The following CELF2 variants were observed in gnomAD, a reference collection of about 807,000 sequenced individuals.
The protein encoded by CELF2 is CUGBP Elav-like family member 2.
In CELF2, 8 loss-of-function variants were observed where a neutral mutation model predicts 62.6. The observed-to-expected ratio is 0.13, with a 90% CI of 0.07 to 0.23. The LOEUF is 0.23. Ranked by LOEUF, CELF2 falls within the 10% of genes least tolerant of loss-of-function variation. The pLI is 1.00. For synonymous variants in CELF2, 258 were observed against 250.0 expected (o/e 1.03, Z -0.30); for missense variants, 333 against 671.0 (o/e 0.50, Z 5.56).
rs1288539481 is a variant in CELF2, at chr10:11,196,977, GAGAGAA to G, written c.272-20444_272-20439del. On this transcript the variant is annotated intron_variant, in intron 2 of 12. Coordinates refer to ENST00000633077, the MANE Select transcript of CELF2 (RefSeq NM_001326342.2). ...CTGTCTCAAAAGAAAAAGAAAGAAA[GAGAGAA>G]AGAAAGAAAGGAAGGAAGGAGAAAG... Among the ~76,000 whole-genome samples the G allele has an allele frequency of 1.1e-3, 73 of 67,600 alleles. 1 individual carries two copies. Among genetic ancestry groups the G allele is most frequent in the African/African-American group, 3.9e-3 (70 of 17,838 alleles). 44.3% of individuals were successfully genotyped at this position (67,600 alleles called of 152,430 possible). A position where few individuals can be genotyped will look rare whatever the true frequency, so the allele number is the denominator to read the frequency against.
chr10:10,684,114 G>A, the CELF2 span, among the ~76,000 whole-genome samples: 8 of 152,140 alleles, frequency 5.3e-5, no homozygotes, highest in East Asian at 1.9e-4. Flanking sequence ...TTCCTACCTC[G>A]GGATGAAGGG....
At chr10:10,762,895 G>T in the CELF2 span, among the ~76,000 whole-genome samples, 1 of 152,166 alleles carries the variant, frequency 6.6e-6, no homozygotes, top group South Asian at 2.1e-4. Flanking sequence ...TTTAAAACTT[G>T]CCCACTGCCC....
the CELF2 span, among the ~76,000 whole-genome samples, chr10:10,748,652 A>G: frequency 6.6e-6 from 1 of 150,768 alleles, no homozygotes; most frequent in Non-Finnish European, 1.5e-5. Context: ...GGAGGCTGAG[A>G]CAGGAGAATA....
At chr10:10,673,196 T>G in the CELF2 span, among the ~76,000 whole-genome samples, 1 of 152,152 alleles carries the variant, frequency 6.6e-6, no homozygotes, top group Admixed American at 6.5e-5. Flanking sequence ...TTTGTTAATT[T>G]TTCAGATTTT....
the CELF2 span, among the ~76,000 whole-genome samples, chr10:10,620,608 A>C: frequency 6.6e-6 from 1 of 152,026 alleles, no homozygotes; most frequent in Non-Finnish European, 1.5e-5. Flanking sequence ...CCTTGTTAGA[A>C]TGGCTCAGTA....
chr10:11,005,035 C>G, upstream of CELF2: 1 of 984,874 alleles, frequency 1.0e-6, no homozygotes, highest in Non-Finnish European at 1.2e-6. This position sits in a 1 kb window ranked among gnomAD's most constrained non-coding sequence, Gnocchi z 4.3. Context: ...TTTTTGTTCC[C>G]CCAATTTTTA....
At chr10:10,692,284 G>C in the CELF2 span, among the ~76,000 whole-genome samples, 2 of 151,404 alleles carry the variant, frequency 1.3e-5, no homozygotes, top group South Asian at 4.2e-4. Flanking sequence ...CCCATTGCTT[G>C]TTTTTCTCAG....
rs888903758 is a variant in CELF2 at position 11,296,105 on chromosome 10, G to A, written c.976+7553G>A. 7.2e-5 allele frequency among the ~76,000 whole-genome samples: 11 copies of A among 152,186 alleles called. No homozygotes were observed. The highest frequency in any genetic ancestry group is 1.5e-4 in the Non-Finnish European group (10 of 68,038). On this transcript the variant is annotated intron_variant, in intron 9 of 12. Transcript: ENST00000633077. The surrounding 1 kb of genome is among the most constrained non-coding windows in gnomAD (Gnocchi z 5.0). ...TCCACCTGTGCCCTGAGCTCTCCTTGGCGGGTGCCTTCATCCCCGGGATGG... is the reference window on the plus strand; with the variant it reads ...TCCACCTGTGCCCTGAGCTCTCCTTAGCGGGTGCCTTCATCCCCGGGATGG...
At chr10:11,286,814 A>G (rs1321209576) in intron 8 of CELF2, among the ~76,000 whole-genome samples, 3 of 152,196 alleles carry the variant, frequency 2.0e-5, no homozygotes, top group Non-Finnish European at 4.4e-5. Flanking sequence ...CCCACTTTCA[A>G]GCATCCCTGT....
the CELF2 span, among the ~76,000 whole-genome samples, chr10:10,576,408 C>A: frequency 1.3e-5 from 2 of 152,018 alleles, no homozygotes; most frequent in South Asian, 2.1e-4. Context: ...TTGATGAGCT[C>A]ATGAAAGAAG....
At chr10:11,125,352 G>A (rs887327167) in intron 1 of CELF2, among the ~76,000 whole-genome samples, 4 of 151,806 alleles carry the variant, frequency 2.6e-5, no homozygotes, top group Admixed American at 2.6e-4. Flanking sequence ...ATTTTTCAGT[G>A]TCCTTTGTTA....
At chr10:11,170,751 C>T (rs972373185) in intron 2 of CELF2, among the ~76,000 whole-genome samples, 25 of 152,022 alleles carry the variant, frequency 1.6e-4, no homozygotes, top group African/African-American at 5.8e-4. Context: ...TGTGTTCAAG[C>T]GAGACCATAC....
intron 1 of CELF2, among the ~76,000 whole-genome samples, chr10:10,907,749 G>A (rs564430299): frequency 8.5e-5 from 13 of 152,098 alleles, no homozygotes; most frequent in South Asian, 6.2e-4. Flanking sequence ...CAAAATTCCC[G>A]TTGCTACAGA....
rs373866144 is a variant in CELF2 at position 11,269,267 on chromosome 10, C to T, written c.619-1399C>T. 1.4e-4 allele frequency among the ~76,000 whole-genome samples: 21 copies of T among 152,220 alleles called. No homozygotes were observed. The East Asian group carries it at 3.9e-3, about 28-fold the overall frequency. On this transcript the variant is annotated intron_variant, in intron 6 of 12. Coordinates refer to ENST00000633077, the MANE Select transcript of CELF2 (RefSeq NM_001326342.2). The surrounding 1 kb of genome is among the most constrained non-coding windows in gnomAD (Gnocchi z 4.4). ...TTTACTGACATTTAACATTCTGTAC[C>T]ATGACTCTGTCTACCAGAGCTGAAG...
At chr10:11,322,685 AATAACATGG>A (rs1194685142) in intron 11 of CELF2, among the ~76,000 whole-genome samples, 2 of 152,112 alleles carry the variant, frequency 1.3e-5, no homozygotes, top group Non-Finnish European at 2.9e-5. Context: ...TCTTTGTATA[AATAACATGG>A]ATATCACTTT....
the CELF2 span, among the ~76,000 whole-genome samples, chr10:10,644,402 C>CGTGTGTGTGTGT: frequency 6.7e-6 from 1 of 149,854 alleles, no homozygotes; most frequent in South Asian, 2.1e-4. Context: ...AGTGTGTGTT[C>CGTGTGTGTGTGT]GTGTGTGTGT....
intron 1 of CELF2, among the ~76,000 whole-genome samples, chr10:10,894,184 G>A (rs539788149): frequency 3.9e-4 from 59 of 152,252 alleles, no homozygotes; most frequent in Non-Finnish European, 6.3e-4. Flanking sequence ...AGTAAGCTCA[G>A]AAGTTTACCA....
the CELF2 span, among the ~76,000 whole-genome samples, chr10:10,632,528 T>C: frequency 1.3e-5 from 2 of 152,208 alleles, no homozygotes; most frequent in South Asian, 4.1e-4. Context: ...AGGAATGCTC[T>C]GTCATCTGAC....
intron 1 of CELF2, among the ~76,000 whole-genome samples, chr10:11,158,651 C>T (rs1297926006): frequency 6.6e-6 from 1 of 152,032 alleles, no homozygotes; most frequent in Non-Finnish European, 1.5e-5. Flanking sequence ...CAGCTTTGTG[C>T]CTTTTACTAG....
Sources: allele counts gnomAD v4.1 joint callset (sites outside exome capture counted in the v4.1 genomes callset), GRCh38; gene constraint gnomAD v4.1.1; non-coding constraint Gnocchi (gnomAD v3.1); transcripts MANE v1.5; gene names NCBI Gene and HGNC (gene_info 2026-07-23, HGNC 2026-07-21).